The following FAM193A variants were observed in gnomAD, a reference collection of about 807,000 sequenced individuals.
FAM193A encodes the protein protein FAM193A.
A neutral mutation model predicts 126.5 loss-of-function variants in FAM193A; 22 were observed. The observed-to-expected ratio is 0.17, with a 90% CI of 0.12 to 0.25. The LOEUF (loss-of-function observed/expected upper bound fraction) is 0.25. Among genes scored for constraint, FAM193A ranks in the 10% least tolerant of loss-of-function variants. FAM193A has a pLI of 1.00. For missense variants in FAM193A, 1,675 were observed against 1,672.8 expected (o/e 1.00, Z -0.02); for synonymous variants, 761 against 646.8 (o/e 1.18, Z -2.68).
intron 1 of FAM193A, among the ~76,000 whole-genome samples, chr4:2,586,960 G>C (rs1244814107): frequency 6.6e-6 from 1 of 152,102 alleles, no homozygotes; most frequent in Admixed American, 6.6e-5. Flanking sequence ...GCCTAGTATA[G>C]CTTTTTAATA....
chr4:2,635,105 C>A (rs1359965518), intron 5 of FAM193A, among the ~76,000 whole-genome samples: 1 of 152,152 alleles, frequency 6.6e-6, no homozygotes. Context: ...ATTGTCACAT[C>A]CATGAAGACT....
At chr4:2,659,435 C>A in intron 8 of FAM193A, 123 bp from the exon 9 acceptor site, 1 of 710,244 alleles carries the variant, frequency 1.4e-6, no homozygotes, top group Non-Finnish European at 2.4e-6. Flanking sequence ...TATTCCTGGT[C>A]CTGTCCCGCT....
chr4:2,648,648 C>A (rs1359566236), intron 7 of FAM193A, among the ~76,000 whole-genome samples: 1 of 152,236 alleles, frequency 6.6e-6, no homozygotes, highest in East Asian at 1.9e-4. Context: ...CCTGGAGCAT[C>A]CCAGGGGCTG....
At chr4:2,615,860 G>T (rs1464470224) in intron 2 of FAM193A, among the ~76,000 whole-genome samples, 2 of 151,848 alleles carry the variant, frequency 1.3e-5, no homozygotes, top group African/African-American at 4.8e-5. Context: ...GCCCAGGCTG[G>T]AATGTAGTGG....
intron 10 of FAM193A, 98 bp from the exon 11 acceptor site, chr4:2,662,740 C>T: frequency 3.5e-6 from 3 of 853,084 alleles, no homozygotes; most frequent in Admixed American, 4.5e-5. Flanking sequence ...TAAATGAAAG[C>T]CGTGATCTGT....
intron 1 of FAM193A, among the ~76,000 whole-genome samples, chr4:2,538,204 T>A (rs1182995881): frequency 1.3e-5 from 2 of 152,136 alleles, no homozygotes; most frequent in African/African-American, 4.8e-5. Flanking sequence ...GTTCTTTTTT[T>A]TTTTTTCTTT....
chr4:2,689,575 C>T lies in FAM193A; in HGVS notation c.2401C>T (p.His801Tyr). ...HQVFNASLQD[H>Y]IYPSCFGNTP... ...GGTATTCAATGCATCTCTTCAAGACCATATTTATCCGAGCTGTTTTGGGAA... is the reference window on the plus strand; with the variant it reads ...GGTATTCAATGCATCTCTTCAAGACTATATTTATCCGAGCTGTTTTGGGAA... The change falls in exon 14 of 21, where the codon CAT becomes TAT. Residue 801 changes from histidine (H) to tyrosine (Y), a missense_variant. By Grantham distance (83) the His-to-Tyr change is moderately conservative (BLOSUM62 2). Transcript: ENST00000637812. The T allele has an allele frequency of 1.3e-6, 2 of 1,550,012 alleles. No individual in the cohort carries two copies. The highest frequency in any genetic ancestry group is 1.7e-6 in the Non-Finnish European group (2 of 1,157,014).
At chr4:2,618,201 A>T (rs1742322851) in intron 2 of FAM193A, among the ~76,000 whole-genome samples, 1 of 152,110 alleles carries the variant, frequency 6.6e-6, no homozygotes, top group Admixed American at 6.6e-5. Flanking sequence ...TTTGACTGTG[A>T]TGGGCCTCAG....
chr4:2,641,028 C>G (rs1007326202), intron 6 of FAM193A, among the ~76,000 whole-genome samples: 1 of 151,786 alleles, frequency 6.6e-6, no homozygotes, highest in African/African-American at 2.4e-5. Context: ...TTGACTACAC[C>G]AGTTATTGCT....
chr4:2,577,411 G>GGTTTTTTTTTGTTTTTTTTTTT, intron 1 of FAM193A, among the ~76,000 whole-genome samples: 1 of 101,852 alleles, frequency 9.8e-6, no homozygotes, highest in Non-Finnish European at 2.1e-5. Context: ...AATTAAAGTG[G>GGTTTTTTTTTGTTTTTTTTTTT]TTTTTTTTTT....
At chr4:2,724,298 GT>G (rs1163624308) in intron 20 of FAM193A, among the ~76,000 whole-genome samples, 1 of 151,410 alleles carries the variant, frequency 6.6e-6, no homozygotes, top group Non-Finnish European at 1.5e-5. Context: ...TTTTCCATCT[GT>G]TTTTCAACTT....
chr4:2,576,272 G>A (rs1329101130), intron 1 of FAM193A, among the ~76,000 whole-genome samples: 2 of 151,882 alleles, frequency 1.3e-5, no homozygotes, highest in African/African-American at 4.8e-5. Flanking sequence ...TAATTCTTTT[G>A]TAATTTTAGT....
intron 13 of FAM193A, among the ~76,000 whole-genome samples, chr4:2,678,193 C>A (rs964937628): frequency 1.3e-5 from 2 of 151,956 alleles, no homozygotes; most frequent in Non-Finnish European, 2.9e-5. Flanking sequence ...ACTGTGTTAG[C>A]CAGGATGGTC....
intron 1 of FAM193A, among the ~76,000 whole-genome samples, chr4:2,594,518 C>T (rs1485241150): frequency 3.3e-5 from 5 of 152,280 alleles, no homozygotes; most frequent in East Asian, 3.9e-4. Context: ...GAGAGACTAG[C>T]GGGGGTTCTC....
At chr4:2,616,198 C>G (rs942269498) in intron 2 of FAM193A, among the ~76,000 whole-genome samples, 1 of 152,234 alleles carries the variant, frequency 6.6e-6, no homozygotes, top group Non-Finnish European at 1.5e-5. Flanking sequence ...ACTGTTATTT[C>G]TAATTGTTGA....
At chr4:2,667,715 T>C (rs896654061) in intron 12 of FAM193A, among the ~76,000 whole-genome samples, 3 of 152,206 alleles carry the variant, frequency 2.0e-5, no homozygotes, top group Non-Finnish European at 4.4e-5. Context: ...TAGTTGGGCC[T>C]TGCATTTTTA....
chr4:2,731,977 G>A lies in FAM193A; in HGVS notation c.*109G>A. The A allele has an allele frequency of 1.2e-6, 1 of 860,778 alleles. No homozygotes were observed. The highest frequency in any genetic ancestry group is 1.9e-6 in the Non-Finnish European group (1 of 514,250). 53.3% of individuals were successfully genotyped at this position (860,778 alleles called of 1,614,324 possible). A position where few individuals can be genotyped will look rare whatever the true frequency, so the allele number is the denominator to read the frequency against. On this transcript the variant is annotated 3_prime_UTR_variant, in exon 21 of 21. Transcript: ENST00000637812. Reference sequence around the variant, plus strand: ...AGCCGTGGTGCTTGCCAAGGGCTGTGCGGAGCTGGTGCTGCCTGAAACCCC... The same window carrying A: ...AGCCGTGGTGCTTGCCAAGGGCTGTACGGAGCTGGTGCTGCCTGAAACCCC...
chr4:2,586,244 CAA>C (rs71178483), intron 1 of FAM193A, among the ~76,000 whole-genome samples: 7 of 143,556 alleles, frequency 4.9e-5, no homozygotes, highest in East Asian at 4.0e-4. Context: ...AACTCCGTCT[CAA>C]AAAAAAAAAT....
At chr4:2,727,284 G>A (rs1199381666) in intron 20 of FAM193A, among the ~76,000 whole-genome samples, 1 of 152,104 alleles carries the variant, frequency 6.6e-6, no homozygotes, top group Non-Finnish European at 1.5e-5. Flanking sequence ...ACCAATTGCT[G>A]TTAGTTTTAA....
Sources: gnomAD v4.1 joint callset for allele counts (sites outside exome capture counted in the v4.1 genomes callset) on GRCh38, gnomAD v4.1.1 for gene constraint, MANE v1.5 for transcripts, NCBI Gene and HGNC (gene_info 2026-07-23, HGNC 2026-07-21) for gene names.